Variants in GPC6 observed in about 807,000 individuals in gnomAD.
The protein encoded by GPC6 is glypican-6.
In GPC6, 14 loss-of-function variants were observed where a neutral mutation model predicts 55.2. The observed-to-expected ratio is 0.25, with a 90% CI of 0.17 to 0.40. GPC6 has a LOEUF of 0.40. GPC6 is among the 10% of genes least tolerant of loss of function. The pLI is 1.00. For missense variants in GPC6, 641 were observed against 708.5 expected (o/e 0.90, Z 1.08); for synonymous variants, 278 against 259.6 (o/e 1.07, Z -0.68).
chr13:93,243,523 C>T (rs1876504425), intron 1 of GPC6, among the ~76,000 whole-genome samples: 1 of 152,152 alleles, frequency 6.6e-6, no homozygotes, highest in Non-Finnish European at 1.5e-5. Flanking sequence ...TGGAGCTGGA[C>T]CAGGCTGACC....
chr13:93,811,319 C>G (rs1594477225), intron 2 of GPC6, among the ~76,000 whole-genome samples: 1 of 152,146 alleles, frequency 6.6e-6, no homozygotes, highest in East Asian at 1.9e-4. Flanking sequence ...AAGCCATGCC[C>G]AACAAAACTA....
At chr13:93,750,118 G>T (rs1884527258) in intron 2 of GPC6, among the ~76,000 whole-genome samples, 1 of 152,122 alleles carries the variant, frequency 6.6e-6, no homozygotes, top group Non-Finnish European at 1.5e-5. Context: ...GAAAATATTA[G>T]AATAAATAGA....
intron 2 of GPC6, among the ~76,000 whole-genome samples, chr13:93,704,766 C>G (rs570368439): frequency 1.6e-3 from 242 of 152,054 alleles, no homozygotes; most frequent in Non-Finnish European, 2.8e-3. Context: ...TGCAGAGAAA[C>G]AGCAGGAAAT....
chr13:93,229,574 G>C (rs1403203429), intron 1 of GPC6, among the ~76,000 whole-genome samples: 3 of 152,160 alleles, frequency 2.0e-5, no homozygotes, highest in African/African-American at 4.8e-5. Flanking sequence ...AATGTTTGTT[G>C]AGAACATTCC....
chr13:93,530,974 A>G (rs1881842994), intron 1 of GPC6, among the ~76,000 whole-genome samples: 1 of 152,188 alleles, frequency 6.6e-6, no homozygotes, highest in African/African-American at 2.4e-5. Context: ...AGAACTGGAA[A>G]GTTGGTTAAC....
intron 6 of GPC6, among the ~76,000 whole-genome samples, chr13:94,371,188 T>C (rs1879526556): frequency 6.6e-6 from 1 of 152,164 alleles, no homozygotes; most frequent in East Asian, 1.9e-4. Flanking sequence ...AATTGAGAAA[T>C]GGCGATCCCT....
intron 3 of GPC6, among the ~76,000 whole-genome samples, chr13:93,833,061 AGATGGATG>A (rs370453050): frequency 1.4e-5 from 2 of 146,200 alleles, no homozygotes; most frequent in Non-Finnish European, 3.0e-5. Flanking sequence ...GTAGAGAGAT[AGATGGATG>A]GATGGATGGA....
chr13:93,810,377 G>A (rs2138950144), intron 2 of GPC6, among the ~76,000 whole-genome samples: 1 of 152,276 alleles, frequency 6.6e-6, no homozygotes, highest in Non-Finnish European at 1.5e-5. Flanking sequence ...ACCCAAATGA[G>A]ATAATAGAGG....
intron 2 of GPC6, among the ~76,000 whole-genome samples, chr13:93,751,547 G>T (rs1594426072): frequency 6.6e-6 from 1 of 151,496 alleles, no homozygotes; most frequent in East Asian, 1.9e-4. Context: ...ATAGAGATGG[G>T]GTTTTACTCT....
Position 94,049,970 on chromosome 13 carries a change from T to A in GPC6, c.877+22076T>A, listed in dbSNP as rs561469325. Among the ~76,000 whole-genome samples, 267 of 152,236 alleles carry A rather than the reference T, an allele frequency of 1.8e-3. 1 individual carries two copies. Among genetic ancestry groups the A allele is most frequent in the African/African-American group, 6.2e-3 (257 of 41,556 alleles). On this transcript the variant is annotated intron_variant, in intron 4 of 8. Transcript: ENST00000377047. The stretch of plus-strand genomic sequence containing the variant: ...GATGGTTTTATAAGGAGTTTCCCTG[T>A]TCGATTGGTTCTCTCTCATTCTCTC...
chr13:93,782,300 A>G (rs1390761536), intron 2 of GPC6, among the ~76,000 whole-genome samples: 1 of 152,102 alleles, frequency 6.6e-6, no homozygotes, highest in African/African-American at 2.4e-5. Flanking sequence ...TTCATTTTCT[A>G]TATATATCAC....
intron 1 of GPC6, among the ~76,000 whole-genome samples, chr13:93,389,333 T>C (rs942785660): frequency 2.7e-5 from 4 of 146,594 alleles, no homozygotes; most frequent in Admixed American, 2.0e-4. Context: ...CCGTCTCTAC[T>C]AAAAATACAA....
chr13:93,343,323 T>TTG (rs1310547413), intron 1 of GPC6, among the ~76,000 whole-genome samples: 1 of 152,192 alleles, frequency 6.6e-6, no homozygotes, highest in African/African-American at 2.4e-5. Flanking sequence ...CATACGTTCC[T>TTG]TGTGCTTGCA....
At chr13:93,295,290 CAAAAAAAAAAAAAA>C (rs67379652) in intron 1 of GPC6, among the ~76,000 whole-genome samples, 1 of 66,686 alleles carries the variant, frequency 1.5e-5, no homozygotes, top group Non-Finnish European at 2.5e-5. Context: ...GACCCTGTCT[CAAAAAAAAAAAAAA>C]AAAAAAAAAG....
chr13:94,129,955 T>C (rs563044074), intron 4 of GPC6, among the ~76,000 whole-genome samples: 9 of 152,282 alleles, frequency 5.9e-5, no homozygotes, highest in African/African-American at 2.2e-4. Context: ...CACAAATATG[T>C]TTATATTCAT....
intron 4 of GPC6, among the ~76,000 whole-genome samples, chr13:94,111,516 T>G (rs1886249568): frequency 1.3e-5 from 2 of 148,562 alleles, no homozygotes; most frequent in South Asian, 2.1e-4. Flanking sequence ...AATAATAAAC[T>G]TCTTAATTTA....
Position 93,848,185 on chromosome 13 carries a change from A to G in GPC6, c.711+17640A>G, listed in dbSNP as rs1430479841. Among the ~76,000 whole-genome samples, 3 of 152,264 alleles carry G rather than the reference A, an allele frequency of 2.0e-5. No homozygotes were observed. The East Asian group carries it at 5.8e-4, about 29-fold the overall frequency. The stretch of plus-strand genomic sequence containing the variant: ...ATGTCAGAGTATTTCCAACAGAGAG[A>G]AAGTTTGTACATAACTTCTATCTGC... On this transcript the variant is annotated intron_variant, in intron 3 of 8. Coordinates refer to ENST00000377047, the MANE Select transcript of GPC6 (RefSeq NM_005708.5).
chr13:93,624,558 A>T (rs1237896273), intron 2 of GPC6, among the ~76,000 whole-genome samples: 2 of 152,214 alleles, frequency 1.3e-5, no homozygotes, highest in Non-Finnish European at 2.9e-5. Flanking sequence ...TTCCTCTAAA[A>T]GTGCAAATGT....
At chr13:94,312,556 C>T (rs966029838) in intron 6 of GPC6, among the ~76,000 whole-genome samples, 2 of 152,224 alleles carry the variant, frequency 1.3e-5, no homozygotes, top group Non-Finnish European at 2.9e-5. Context: ...AAGGATTCTG[C>T]ACCCAGCTAA....
Sources: allele counts gnomAD v4.1 joint callset (sites outside exome capture counted in the v4.1 genomes callset), GRCh38; gene constraint gnomAD v4.1.1; transcripts MANE v1.5; gene names NCBI Gene and HGNC (gene_info 2026-07-23, HGNC 2026-07-21).